The following FLVCR1 variants were observed in gnomAD, a reference collection of about 807,000 sequenced individuals.
FLVCR1 encodes FLVCR choline and heme transporter 1.
FLVCR1 carries 34 observed loss-of-function variants against 53.6 expected under a neutral mutation model. The ratio of observed to expected loss-of-function variants is 0.63; its 90% confidence interval spans 0.48 to 0.84. The LOEUF (loss-of-function observed/expected upper bound fraction) is 0.84. Among genes scored for constraint, FLVCR1 ranks in the 40% least tolerant of loss-of-function variants. The probability of loss-of-function intolerance (pLI) is 0.00; values close to 1 mark genes in which losing one functional copy is unlikely to be tolerated. For missense variants in FLVCR1, 677 were observed against 696.7 expected (o/e 0.97, Z 0.32); for synonymous variants, 300 against 286.3 (o/e 1.05, Z -0.48).
chr1:212,869,309 A>G (rs962090372), intron 2 of FLVCR1, among the ~76,000 whole-genome samples: 2 of 152,248 alleles, frequency 1.3e-5, no homozygotes, highest in African/African-American at 4.8e-5. Context: ...AAGGAGAAAG[A>G]AGAAGCCATA....
At position 212,888,446 on chromosome 1, in the gene FLVCR1, C is replaced by T. The variant is rs759779987; in HGVS notation, c.1308-43C>T. The T allele has an allele frequency of 4.5e-6, 6 of 1,343,888 alleles. No individual in the cohort carries two copies. The South Asian group carries it at 7.0e-5, about 16-fold the overall frequency. 83.2% of individuals were successfully genotyped at this position (1,343,888 alleles called of 1,614,324 possible). The stretch of plus-strand genomic sequence containing the variant: ...TGATTGCATCAGTATGTGATTGTGA[C>T]TTTCTGGTAGTTCTTTCTGTAATTC... On this transcript the variant is annotated intron_variant, in intron 6 of 9. Coordinates refer to ENST00000366971, the MANE Select transcript of FLVCR1 (RefSeq NM_014053.4).
At chr1:212,864,512 T>G (rs1664350187) in intron 2 of FLVCR1, 1 of 152,686 alleles carries the variant, frequency 6.5e-6, no homozygotes, top group African/African-American at 2.4e-5. Flanking sequence ...GGAAGAAGCT[T>G]TGGGAAGGTC....
At chr1:212,890,656 CCCCCG>C (rs2102571928) in intron 8 of FLVCR1, among the ~76,000 whole-genome samples, 1 of 152,248 alleles carries the variant, frequency 6.6e-6, no homozygotes, top group South Asian at 2.1e-4. Flanking sequence ...TGGAATCAAT[CCCCCG>C]CAGATACCAA....
intron 8 of FLVCR1, among the ~76,000 whole-genome samples, chr1:212,893,381 A>G (rs555097531): frequency 1.3e-5 from 2 of 152,234 alleles, no homozygotes; most frequent in African/African-American, 4.8e-5. Context: ...ATAAGCAAAG[A>G]AAGTGTTTTC....
rs368278898 is a variant in FLVCR1 at position 212,872,638 on chromosome 1, T to C, written c.884-40T>C. ...GTAATATATAACAACATATTGTATA[T>C]ATATTAAATATACATAATCCTTTTC... On this transcript the variant is annotated intron_variant, in intron 2 of 9. Coordinates refer to ENST00000366971, the MANE Select transcript of FLVCR1 (RefSeq NM_014053.4). The C allele has an allele frequency of 1.3e-5, 17 of 1,318,648 alleles. No homozygotes were observed. The East Asian group carries it at 4.2e-4, about 33-fold the overall frequency. The allele number at this position is 1,318,648 out of a possible 1,614,324, so 81.7% of individuals were successfully genotyped here.
intron 8 of FLVCR1, among the ~76,000 whole-genome samples, chr1:212,893,192 A>T (rs187657477): frequency 3.8e-4 from 58 of 151,842 alleles, no homozygotes; most frequent in Admixed American, 1.2e-3. Flanking sequence ...AGTAGCTGGG[A>T]CTACAGGTGC....
chr1:212,872,613 G>A, intron 2 of FLVCR1, 65 bp from the exon 3 acceptor site: 3 of 1,038,144 alleles, frequency 2.9e-6, no homozygotes, highest in East Asian at 2.6e-5. Flanking sequence ...ATTACATATT[G>A]TAATATATAA....
intron 3 of FLVCR1, among the ~76,000 whole-genome samples, chr1:212,878,371 G>A (rs992609753): frequency 1.3e-5 from 2 of 151,862 alleles, no homozygotes; most frequent in African/African-American, 4.8e-5. Context: ...GCATGGTGGT[G>A]GGTGCCTGTA....
chr1:212,865,990 T>C (rs9787019), intron 2 of FLVCR1, among the ~76,000 whole-genome samples: 1 of 79,688 alleles, frequency 1.3e-5, no homozygotes, highest in Non-Finnish European at 3.2e-5. Flanking sequence ...GGTTTTTTTT[T>C]TTTTTTTTTT....
chr1:212,893,217 G>A (rs931217192), intron 8 of FLVCR1, among the ~76,000 whole-genome samples: 6 of 151,810 alleles, frequency 4.0e-5, no homozygotes, highest in Admixed American at 6.6e-5. Flanking sequence ...CACCACGCCC[G>A]GCTAATTTTT....
intron 5 of FLVCR1, 152 bp downstream of exon 5, chr1:212,885,548 TTC>T: frequency 4.9e-6 from 2 of 409,574 alleles, no homozygotes; most frequent in African/African-American, 2.9e-5. Flanking sequence ...TAACAAGTGT[TTC>T]TTTTTTTTTT....
rs1273270404 is a variant in FLVCR1, at chr1:212,897,237, C to T, written c.*1947C>T. On this transcript the variant is annotated 3_prime_UTR_variant, in exon 10 of 10. Coordinates refer to ENST00000366971, the MANE Select transcript of FLVCR1 (RefSeq NM_014053.4). ...AAACCTGAGGTTGAGCACGATGGCT[C>T]ACACCTATAGTCCCAGCACTTTGGG... The T allele has an allele frequency of 2.0e-5, 3 of 151,274 alleles. No homozygotes were observed. In the South Asian group the frequency reaches 6.3e-4, roughly 32 times the overall value. The allele number at this position is 151,274 out of a possible 1,614,324, so 9.4% of individuals were successfully genotyped here.
chr1:212,858,332 G>T lies in FLVCR1; in HGVS notation c.-121G>T. ...TGCGGTTCGCGGCGCGCGCCACCGG[G>T]GAAGGAGCGGTGGGCCGAGGGGTTG... is the stretch of plus-strand genomic sequence containing the variant. On this transcript the variant is annotated 5_prime_UTR_variant, in exon 1 of 10. Transcript: ENST00000366971. The T allele has an allele frequency of 2.0e-6, 2 of 995,346 alleles. No homozygotes were observed. The highest frequency in any genetic ancestry group is 2.8e-6 in the Non-Finnish European group (2 of 714,496). 61.7% of individuals were successfully genotyped at this position (995,346 alleles called of 1,614,324 possible). A position where few individuals can be genotyped will look rare whatever the true frequency, so the allele number is the denominator to read the frequency against.
At chr1:212,881,746 CATT>C (rs1370081889) in intron 3 of FLVCR1, among the ~76,000 whole-genome samples, 1 of 152,046 alleles carries the variant, frequency 6.6e-6, no homozygotes, top group Non-Finnish European at 1.5e-5. Context: ...TCTAGGAAGA[CATT>C]ATTGAAAAAG....
intron 8 of FLVCR1, among the ~76,000 whole-genome samples, chr1:212,894,007 C>G (rs544421730): frequency 5.9e-5 from 9 of 152,002 alleles, no homozygotes; most frequent in African/African-American, 2.2e-4. Context: ...AACTCCTGAC[C>G]TCAAGTGATC....
rs1558124810 is a variant in FLVCR1 at position 212,897,370 on chromosome 1, A to ACACACACACACACACC, written c.*2080_*2081insCACACACACACACACC. On this transcript the variant is annotated 3_prime_UTR_variant, in exon 10 of 10. Coordinates refer to ENST00000366971, the MANE Select transcript of FLVCR1 (RefSeq NM_014053.4). The stretch of plus-strand genomic sequence containing the variant: ...TACATACACACACACACACACACAC[A>ACACACACACACACACC]AATTAGCCGGGCATGGTGGCACACG... The ACACACACACACACACC allele has an allele frequency of 6.6e-6, 1 of 151,536 alleles. No homozygotes were observed. Among genetic ancestry groups the ACACACACACACACACC allele is most frequent in the African/African-American group, 2.4e-5 (1 of 41,062 alleles). The allele number at this position is 151,536 out of a possible 1,614,324, so 9.4% of individuals were successfully genotyped here.
intron 3 of FLVCR1, among the ~76,000 whole-genome samples, chr1:212,878,363 A>C (rs955178372): frequency 6.6e-6 from 1 of 151,986 alleles, no homozygotes; most frequent in South Asian, 2.1e-4. Context: ...TGAGCCGGGC[A>C]TGGTGGTGGG....
intron 2 of FLVCR1, among the ~76,000 whole-genome samples, chr1:212,865,990 T>G (rs9787019): frequency 5.0e-5 from 4 of 79,768 alleles, no homozygotes; most frequent in Non-Finnish European, 9.6e-5. Context: ...GGTTTTTTTT[T>G]TTTTTTTTTT....
intron 7 of FLVCR1, 121 bp from the exon 8 acceptor site, chr1:212,889,025 T>G (rs1333455476): frequency 1.3e-6 from 1 of 777,708 alleles, no homozygotes; most frequent in Non-Finnish European, 2.1e-6. Flanking sequence ...ATTCAACTTT[T>G]CAATGAATGT....
Sources: gnomAD v4.1 joint callset for allele counts (sites outside exome capture counted in the v4.1 genomes callset) on GRCh38, gnomAD v4.1.1 for gene constraint, MANE v1.5 for transcripts, NCBI Gene and HGNC (gene_info 2026-07-23, HGNC 2026-07-21) for gene names.